FANCC: variants seen among roughly 807,000 people sequenced by gnomAD.
The protein encoded by FANCC is FA complementation group C.
FANCC carries 55 observed loss-of-function variants against 71.3 expected under a neutral mutation model. That is an observed-to-expected ratio of 0.77 (90% CI 0.62 to 0.97). FANCC has a LOEUF of 0.97. Ranked by LOEUF, FANCC falls within the 50% of genes least tolerant of loss-of-function variation. The pLI is 0.00. For missense variants in FANCC, 678 were observed against 670.9 expected, an observed-to-expected ratio of 1.01 and a Z score of -0.12; for synonymous variants, 275 against 244.9, an observed-to-expected ratio of 1.12 and a Z score of -1.15.
chr9:95,260,491 C>T (rs546541010), intron 1 of FANCC, among the ~76,000 whole-genome samples: 2 of 152,038 alleles, frequency 1.3e-5, no homozygotes, highest in Admixed American at 6.6e-5. Context: ...TCGAACAATG[C>T]GAACACATGG....
Position 95,187,513 on chromosome 9 carries a change from C to G in FANCC, c.346-15366G>C, listed in dbSNP as rs442632. Among the ~76,000 whole-genome samples the G allele has an allele frequency of 3.5e-3, 525 of 152,014 alleles. 9 individuals carry two copies. The South Asian group carries it at 0.043, about 13-fold the overall frequency. ...CCTAAGTCAGCGTTTCTCAGGATGTCATGTACAGAGACCTCAATCTGAATT... is the reference window on the plus strand; with the variant it reads ...CCTAAGTCAGCGTTTCTCAGGATGTGATGTACAGAGACCTCAATCTGAATT... On this transcript the variant is annotated intron_variant, in intron 4 of 14. Coordinates refer to ENST00000289081, the MANE Select transcript of FANCC (RefSeq NM_000136.3).
chr9:95,201,834 T>G (rs2135808887), intron 4 of FANCC, among the ~76,000 whole-genome samples: 1 of 152,308 alleles, frequency 6.6e-6, no homozygotes, highest in Non-Finnish European at 1.5e-5. Flanking sequence ...GTAGATCCTT[T>G]TTTAAGTCGC....
At chr9:95,174,589 T>C (rs975853570) in intron 4 of FANCC, among the ~76,000 whole-genome samples, 3 of 152,068 alleles carry the variant, frequency 2.0e-5, no homozygotes, top group African/African-American at 7.2e-5. Context: ...TAGCCTTCCA[T>C]ACATGTATGT....
At chr9:95,131,613 C>T (rs941049662) in intron 8 of FANCC, among the ~76,000 whole-genome samples, 3 of 152,204 alleles carry the variant, frequency 2.0e-5, no homozygotes, top group African/African-American at 7.2e-5. Context: ...CATCAGCCAG[C>T]ACTACTGGAC....
chr9:95,314,574 C>G (rs34637665), intron 1 of FANCC, among the ~76,000 whole-genome samples: 39 of 152,040 alleles, frequency 2.6e-4, no homozygotes, highest in Admixed American at 1.0e-3. Flanking sequence ...ATCGCTTGAA[C>G]CCGGGAGGCG....
intron 11 of FANCC, among the ~76,000 whole-genome samples, chr9:95,114,954 G>A (rs975362362): frequency 1.3e-5 from 2 of 152,078 alleles, no homozygotes; most frequent in African/African-American, 4.8e-5. Flanking sequence ...TAGTTTTGTG[G>A]GGTTTTAAGA....
intron 13 of FANCC, among the ~76,000 whole-genome samples, chr9:95,108,776 C>A (rs955854249): frequency 1.3e-5 from 2 of 152,154 alleles, no homozygotes; most frequent in African/African-American, 4.8e-5. Context: ...GGTTTATATA[C>A]TTCTTGTCTT....
At chr9:95,274,111 G>T (rs923969479) in intron 1 of FANCC, among the ~76,000 whole-genome samples, 1 of 152,116 alleles carries the variant, frequency 6.6e-6, no homozygotes, top group East Asian at 1.9e-4. Context: ...CGCCATGGTG[G>T]TTTGCTGCAC....
chr9:95,235,237 G>A (rs140874025), intron 4 of FANCC, among the ~76,000 whole-genome samples: 1 of 152,176 alleles, frequency 6.6e-6, no homozygotes, highest in East Asian at 1.9e-4. Context: ...GATGCATGAT[G>A]AAGGTGGCAC....
chr9:95,281,098 T>C (rs778093354), intron 1 of FANCC, among the ~76,000 whole-genome samples: 1 of 152,012 alleles, frequency 6.6e-6, no homozygotes, highest in Non-Finnish European at 1.5e-5. Flanking sequence ...AGGGGGAACC[T>C]TGAAAAAGAG....
intron 1 of FANCC, among the ~76,000 whole-genome samples, chr9:95,286,380 G>A (rs931591208): frequency 3.3e-5 from 5 of 152,148 alleles, no homozygotes; most frequent in Non-Finnish European, 7.3e-5. Flanking sequence ...TGGTGTAGGG[G>A]CTTCCAGGAA....
intron 4 of FANCC, among the ~76,000 whole-genome samples, chr9:95,221,018 TCAA>T (rs1829223361): frequency 6.6e-6 from 1 of 151,584 alleles, no homozygotes; most frequent in South Asian, 2.1e-4. Flanking sequence ...GATCACGAGG[TCAA>T]GAGATCGAGA....
At chr9:95,225,428 G>A (rs576290046) in intron 4 of FANCC, among the ~76,000 whole-genome samples, 1 of 152,314 alleles carries the variant, frequency 6.6e-6, no homozygotes, top group African/African-American at 2.4e-5. Context: ...CTTCCCTTCA[G>A]ACTGAGGCTG....
chr9:95,137,226 T>C (rs1414047200), intron 7 of FANCC, among the ~76,000 whole-genome samples: 1 of 151,948 alleles, frequency 6.6e-6, no homozygotes, highest in African/African-American at 2.4e-5. Flanking sequence ...GGAAGGGACA[T>C]GGGGAGAGCA....
intron 3 of FANCC, among the ~76,000 whole-genome samples, chr9:95,243,205 AAG>A (rs1564788489): frequency 6.6e-6 from 1 of 152,208 alleles, no homozygotes; most frequent in Non-Finnish European, 1.5e-5. Context: ...AATAGTGAAG[AAG>A]AGAGGTAACA....
At chr9:95,242,497 AAAAG>A (rs1830693453) in intron 3 of FANCC, among the ~76,000 whole-genome samples, 1 of 151,566 alleles carries the variant, frequency 6.6e-6, no homozygotes, top group South Asian at 2.1e-4. Context: ...AAAAAAAAAA[AAAAG>A]AAAGGAAATG....
chr9:95,107,225 T>G lies in FANCC; in HGVS notation c.1374A>C (p.Arg458Ser), dbSNP rs56394801. 5.3e-5 allele frequency: 85 copies of G among 1,614,038 alleles called. 1 individual carries two copies. The African/African-American group carries it at 9.9e-4, about 19-fold the overall frequency. ...GGTCCTGGGCTGAGAGGCTGCTGCT[T>G]CTGGACATTGCCAGGAGGTGGCCCA... ...AVLGHLLAMS[R>S]SSSLSAQDLQ... Residue 458 changes from arginine (R) to serine (S), a missense_variant, in exon 14 of 15, where the codon AGA becomes AGC. Arg to Ser is a moderately radical substitution (Grantham distance 110, BLOSUM62 -1). Coordinates refer to ENST00000289081, the MANE Select transcript of FANCC (RefSeq NM_000136.3).
intron 13 of FANCC, 115 bp from the exon 14 acceptor site, chr9:95,107,384 G>T: frequency 8.9e-7 from 1 of 1,126,690 alleles, no homozygotes; most frequent in Non-Finnish European, 1.3e-6. Context: ...ACTGGCCCCT[G>T]AGAGAGGGAG....
chr9:95,165,354 CCTT>C (rs971374539), intron 6 of FANCC, among the ~76,000 whole-genome samples: 5 of 151,708 alleles, frequency 3.3e-5, no homozygotes, highest in Admixed American at 6.6e-5. Flanking sequence ...GATTTGAGAT[CCTT>C]CTTATTTTCT....
Sources: gnomAD v4.1 joint callset for allele counts (sites outside exome capture counted in the v4.1 genomes callset) on GRCh38, gnomAD v4.1.1 for gene constraint, MANE v1.5 for transcripts, NCBI Gene and HGNC (gene_info 2026-07-23, HGNC 2026-07-21) for gene names.